NALF1: variants seen among roughly 807,000 people sequenced by gnomAD.
NALF1 encodes the protein NALCN channel auxiliary factor 1, also known as family with sequence similarity 155 member A.
NALF1 carries 3 observed loss-of-function variants against 48.4 expected under a neutral mutation model. The observed-to-expected ratio is 0.06, with a 90% CI of 0.03 to 0.16. The LOEUF is 0.16. Among genes scored for constraint, NALF1 ranks in the 10% least tolerant of loss-of-function variants. NALF1 has a pLI of 1.00. For synonymous variants in NALF1, 262 were observed against 245.7 expected, an observed-to-expected ratio of 1.07 and a Z score of -0.62; for missense variants, 526 against 571.5, an observed-to-expected ratio of 0.92 and a Z score of 0.81.
At chr13:107,367,010 G>A (rs756163023) in intron 1 of NALF1, among the ~76,000 whole-genome samples, 10 of 152,260 alleles carry the variant, frequency 6.6e-5, no homozygotes, top group South Asian at 4.1e-4. Flanking sequence ...AACTCCAGGC[G>A]TTATTTTAGA....
chr13:107,429,247 G>C (rs112885509), intron 1 of NALF1, among the ~76,000 whole-genome samples: 1 of 151,838 alleles, frequency 6.6e-6, no homozygotes, highest in Non-Finnish European at 1.5e-5. Context: ...GCCTGAACCC[G>C]GGACATGGAG....
chr13:107,584,362 T>C (rs913772334), intron 1 of NALF1, among the ~76,000 whole-genome samples: 4 of 152,170 alleles, frequency 2.6e-5, no homozygotes, highest in Non-Finnish European at 5.9e-5. Context: ...GGTGAAATAA[T>C]TGAAAGTATT....
chr13:107,179,027 A>C (rs1421968662), intron 2 of NALF1, among the ~76,000 whole-genome samples: 1 of 152,160 alleles, frequency 6.6e-6, no homozygotes, highest in African/African-American at 2.4e-5. Context: ...GTCCACAGAA[A>C]GGAGATCAGG....
At chr13:107,321,234 A>G (rs1882249048) in intron 1 of NALF1, among the ~76,000 whole-genome samples, 1 of 152,164 alleles carries the variant, frequency 6.6e-6, no homozygotes, top group Admixed American at 6.6e-5. Context: ...TAAATTTGAA[A>G]AGTGGAGTTT....
intron 1 of NALF1, among the ~76,000 whole-genome samples, chr13:107,812,723 T>C (rs993004572): frequency 6.6e-5 from 10 of 152,152 alleles, no homozygotes; most frequent in African/African-American, 2.2e-4. Context: ...TTTCTGAAAA[T>C]TTCTAAATAA....
chr13:107,682,159 G>A (rs1222151719), intron 1 of NALF1, among the ~76,000 whole-genome samples: 2 of 152,156 alleles, frequency 1.3e-5, no homozygotes, highest in Non-Finnish European at 2.9e-5. Context: ...TTCTCTTCAG[G>A]CCCGCATTGA....
At chr13:107,631,660 T>A (rs1170911445) in intron 1 of NALF1, among the ~76,000 whole-genome samples, 1 of 152,052 alleles carries the variant, frequency 6.6e-6, no homozygotes, top group Non-Finnish European at 1.5e-5. Flanking sequence ...GGCTGGCCAA[T>A]TGCATTGACT....
chr13:107,785,989 C>T (rs1184381158), intron 1 of NALF1, among the ~76,000 whole-genome samples: 2 of 151,996 alleles, frequency 1.3e-5, no homozygotes, highest in African/African-American at 2.4e-5. Flanking sequence ...TTCCCACAGC[C>T]AAGACTCAAA....
chr13:107,528,586 G>A (rs1240107625), intron 1 of NALF1, among the ~76,000 whole-genome samples: 2 of 152,180 alleles, frequency 1.3e-5, no homozygotes, highest in East Asian at 1.9e-4. Context: ...TCAAGCATCC[G>A]GCAGGCATCA....
intron 1 of NALF1, among the ~76,000 whole-genome samples, chr13:107,411,301 GT>G (rs5806654): frequency 0.24 from 33,326 of 136,366 alleles, 3,874 homozygotes; most frequent in Middle Eastern, 0.3. Flanking sequence ...GTAGAATCTT[GT>G]TTTTTTTTTT....
intron 1 of NALF1, among the ~76,000 whole-genome samples, chr13:107,660,187 C>G (rs549401472): frequency 6.6e-6 from 1 of 152,016 alleles, no homozygotes; most frequent in South Asian, 2.1e-4. Flanking sequence ...CACTTATAAT[C>G]CCAGCACTTT....
chr13:107,543,462 A>AT (rs1877045874), intron 1 of NALF1, among the ~76,000 whole-genome samples: 1 of 152,082 alleles, frequency 6.6e-6, no homozygotes, highest in Admixed American at 6.5e-5. Context: ...CAATTCAGCC[A>AT]TAATAGGTAT....
intron 1 of NALF1, among the ~76,000 whole-genome samples, chr13:107,784,044 C>A (rs1290570168): frequency 6.6e-6 from 1 of 152,140 alleles, no homozygotes; most frequent in African/African-American, 2.4e-5. Context: ...GAGAAGACGT[C>A]TCCTTCCAAG....
chr13:107,757,547 T>C (rs1877143967), intron 1 of NALF1, among the ~76,000 whole-genome samples: 3 of 151,584 alleles, frequency 2.0e-5, no homozygotes, highest in African/African-American at 7.3e-5. Flanking sequence ...TAAGGAGCCA[T>C]GGTTAATATA....
At chr13:107,203,785 T>G (rs147876770) in intron 2 of NALF1, among the ~76,000 whole-genome samples, 1 of 152,344 alleles carries the variant, frequency 6.6e-6, no homozygotes, top group Non-Finnish European at 1.5e-5. Context: ...CTCCCTGGTC[T>G]GATGCATTTC....
At chr13:107,237,386 T>C (rs1187340826) in intron 1 of NALF1, among the ~76,000 whole-genome samples, 2 of 152,122 alleles carry the variant, frequency 1.3e-5, no homozygotes, top group Admixed American at 1.3e-4. Context: ...AATTTTGTTG[T>C]ACTTATCTCA....
intron 1 of NALF1, among the ~76,000 whole-genome samples, chr13:107,726,182 T>C (rs900787556): frequency 6.6e-6 from 1 of 152,208 alleles, no homozygotes; most frequent in Non-Finnish European, 1.5e-5. Flanking sequence ...TTCTATTAGT[T>C]TTTCTTCATC....
intron 1 of NALF1, among the ~76,000 whole-genome samples, chr13:107,512,307 T>C (rs1037317064): frequency 2.1e-4 from 32 of 152,098 alleles, no homozygotes; most frequent in African/African-American, 7.7e-4. Flanking sequence ...GGCAGGAGAA[T>C]CACTTGAACC....
At chr13:107,547,342 A>C (rs1023967061) in intron 1 of NALF1, among the ~76,000 whole-genome samples, 3 of 152,166 alleles carry the variant, frequency 2.0e-5, no homozygotes, top group African/African-American at 7.2e-5. Context: ...CAGATTCTTT[A>C]ATTTGACATT....
Sources: gnomAD v4.1 joint callset for allele counts (sites outside exome capture counted in the v4.1 genomes callset) on GRCh38, gnomAD v4.1.1 for gene constraint, MANE v1.5 for transcripts, NCBI Gene and HGNC (gene_info 2026-07-23, HGNC 2026-07-21) for gene names.